Variants in F13A1 observed in about 807,000 individuals in gnomAD.
F13A1 encodes the protein coagulation factor XIII A chain, also known as FSF, A subunit.
In F13A1, 47 loss-of-function variants were observed where a neutral mutation model predicts 80.1. The ratio of observed to expected loss-of-function variants is 0.59; its 90% CI spans 0.46 to 0.75. The LOEUF (loss-of-function observed/expected upper bound fraction) is 0.75. F13A1 is among the 30% of genes least tolerant of loss of function. The pLI, the probability that F13A1 is intolerant of heterozygous loss-of-function variation, is 0.00. For synonymous variants in F13A1, 349 were observed against 344.9 expected, an observed-to-expected ratio of 1.01 and a Z score of -0.13; for missense variants, 817 against 930.4, an observed-to-expected ratio of 0.88 and a Z score of 1.59.
intron 2 of F13A1, among the ~76,000 whole-genome samples, chr6:6,311,210 G>C (rs113408881): frequency 6.3e-4 from 96 of 152,196 alleles, no homozygotes; most frequent in African/African-American, 2.3e-3. Context: ...CCTTTCACCT[G>C]AACACCTTTT....
chr6:6,175,554 C>T (rs535699728), intron 11 of F13A1, among the ~76,000 whole-genome samples: 120 of 152,338 alleles, frequency 7.9e-4, no homozygotes, highest in Non-Finnish European at 1.2e-3. Flanking sequence ...CAAGGTGCTC[C>T]GGTCAGATCC....
At chr6:6,180,801 G>A (rs1760967580) in intron 11 of F13A1, among the ~76,000 whole-genome samples, 1 of 152,200 alleles carries the variant, frequency 6.6e-6, no homozygotes, top group South Asian at 2.1e-4. Flanking sequence ...AATTCAGCAA[G>A]CTTCTTCTTT....
At chr6:6,280,526 C>T (rs1011905525) in intron 3 of F13A1, among the ~76,000 whole-genome samples, 2 of 152,016 alleles carry the variant, frequency 1.3e-5, no homozygotes, top group Non-Finnish European at 2.9e-5. Flanking sequence ...AAGTTGATTA[C>T]CGCTTATATT....
chr6:6,254,611 G>A (rs538833281), intron 4 of F13A1, among the ~76,000 whole-genome samples: 2 of 152,258 alleles, frequency 1.3e-5, no homozygotes, highest in South Asian at 4.1e-4. Context: ...CAAAGTATCT[G>A]TAATGATATA....
chr6:6,196,446 T>A (rs1761292966), intron 9 of F13A1, among the ~76,000 whole-genome samples: 1 of 152,222 alleles, frequency 6.6e-6, no homozygotes, highest in African/African-American at 2.4e-5. Context: ...TTAGCTGCTA[T>A]TAGTCACCTG....
At chr6:6,241,134 TAGAAAG>T (rs1247336623) in intron 6 of F13A1, among the ~76,000 whole-genome samples, 1 of 152,126 alleles carries the variant, frequency 6.6e-6, no homozygotes, top group Non-Finnish European at 1.5e-5. Context: ...ATATGAATCA[TAGAAAG>T]AGACAATAAC....
chr6:6,149,163 T>C (rs1448159773), intron 14 of F13A1, among the ~76,000 whole-genome samples: 1 of 152,134 alleles, frequency 6.6e-6, no homozygotes, highest in Non-Finnish European at 1.5e-5. Context: ...AAGGTAACTA[T>C]GATTAACAGT....
intron 6 of F13A1, among the ~76,000 whole-genome samples, chr6:6,245,520 G>A (rs771160837): frequency 5.3e-5 from 8 of 152,194 alleles, no homozygotes; most frequent in Non-Finnish European, 1.2e-4. Flanking sequence ...CACCGTTCCT[G>A]GCCCAAATTC....
chr6:6,274,223 T>C (rs1187495438), intron 3 of F13A1, among the ~76,000 whole-genome samples: 2 of 152,236 alleles, frequency 1.3e-5, no homozygotes, highest in Non-Finnish European at 2.9e-5. Context: ...AGGTGCTCAA[T>C]AAATATTTGG....
At chr6:6,265,511 C>T (rs1757831653) in intron 4 of F13A1, among the ~76,000 whole-genome samples, 1 of 152,156 alleles carries the variant, frequency 6.6e-6, no homozygotes, top group Non-Finnish European at 1.5e-5. Context: ...GGAGAAAATG[C>T]TATGTGTGAC....
chr6:6,199,215 C>T (rs570669757), intron 8 of F13A1, among the ~76,000 whole-genome samples: 5 of 152,288 alleles, frequency 3.3e-5, no homozygotes, highest in East Asian at 1.9e-4. Flanking sequence ...ATTGGTCGGG[C>T]GCAGTGGCTC....
intron 13 of F13A1, among the ~76,000 whole-genome samples, chr6:6,166,065 T>C (rs374660605): frequency 5.3e-5 from 8 of 152,342 alleles, no homozygotes; most frequent in South Asian, 2.1e-4. Context: ...ATAAGAACGT[T>C]CAGTTGAAGG....
At chr6:6,146,786 T>C (rs1367707354) in intron 14 of F13A1, among the ~76,000 whole-genome samples, 2 of 152,228 alleles carry the variant, frequency 1.3e-5, no homozygotes, top group African/African-American at 2.4e-5. Context: ...TTTCTGCTCC[T>C]CTTCACTGCA....
At chr6:6,300,109 C>T (rs1465935638) in intron 3 of F13A1, among the ~76,000 whole-genome samples, 2 of 144,560 alleles carry the variant, frequency 1.4e-5, no homozygotes, top group Non-Finnish European at 2.9e-5. Flanking sequence ...TGCCTGTTCT[C>T]AGATCTCCAG....
rs1758299152 is a variant in F13A1 at position 6,294,945 on chromosome 6, CCATGTGTT to C, written c.319+10398_319+10405del. ...GAGTGTGATGTTCCCCTTCCTGTGT[CCATGTGTT>C]CTCATTGTTCAATTCCCACCTGTGA... On this transcript the variant is annotated intron_variant, in intron 3 of 14. Coordinates refer to ENST00000264870, the MANE Select transcript of F13A1 (RefSeq NM_000129.4). Among the ~76,000 whole-genome samples the C allele has an allele frequency of 2.2e-5, 3 of 138,534 alleles. No individual in the cohort carries two copies. In the East Asian group the frequency reaches 6.7e-4, roughly 31 times the overall value. The allele number at this position is 138,534 out of a possible 152,430, so 90.9% of individuals were successfully genotyped here.
intron 10 of F13A1, among the ~76,000 whole-genome samples, chr6:6,189,947 T>G (rs1761155035): frequency 6.6e-6 from 1 of 152,316 alleles, no homozygotes; most frequent in East Asian, 1.9e-4. Flanking sequence ...TTCTCTAAAC[T>G]TCCCATCTTG....
At chr6:6,230,841 C>T (rs1295775731) in intron 6 of F13A1, among the ~76,000 whole-genome samples, 1 of 152,128 alleles carries the variant, frequency 6.6e-6, no homozygotes, top group Non-Finnish European at 1.5e-5. Context: ...AGAAGAGAGA[C>T]AATCACTGCA....
chr6:6,269,078 G>A (rs1305712477), intron 3 of F13A1, among the ~76,000 whole-genome samples: 7 of 152,162 alleles, frequency 4.6e-5, no homozygotes, highest in Admixed American at 3.9e-4. Flanking sequence ...CTCTGGTTCT[G>A]AATCTGAAGA....
chr6:6,149,635 G>C (rs1161684624), intron 14 of F13A1, among the ~76,000 whole-genome samples: 1 of 152,190 alleles, frequency 6.6e-6, no homozygotes, highest in Non-Finnish European at 1.5e-5. Flanking sequence ...CCCTCATCAG[G>C]AACCGAATTG....
Sources: gnomAD v4.1 joint callset for allele counts (sites outside exome capture counted in the v4.1 genomes callset) on GRCh38, gnomAD v4.1.1 for gene constraint, MANE v1.5 for transcripts, NCBI Gene and HGNC (gene_info 2026-07-23, HGNC 2026-07-21) for gene names.